RTN3: variants seen among roughly 807,000 people sequenced by gnomAD.
RTN3 encodes reticulon-3.
In RTN3, 49 loss-of-function variants were observed where a neutral mutation model predicts 77.8. The observed-to-expected ratio is 0.63, with a 90% CI of 0.50 to 0.80. RTN3 has a LOEUF of 0.80. RTN3 is among the 30% of genes least tolerant of loss of function. RTN3 has a pLI of 0.00. For missense variants in RTN3, 1,236 were observed against 1,211.9 expected (o/e 1.02, Z -0.29); for synonymous variants, 464 against 446.9 (o/e 1.04, Z -0.48).
intron 1 of RTN3, among the ~76,000 whole-genome samples, chr11:63,690,294 A>G (rs1941586831): frequency 6.6e-6 from 1 of 152,248 alleles, no homozygotes; most frequent in African/African-American, 2.4e-5. Context: ...CGTATGAGAT[A>G]GAAGTACTTG....
In RTN3 at chr11:63,753,669, G is replaced by A. The variant is rs181371695; in HGVS notation, c.2955G>A (p.Leu985=). The A allele has an allele frequency of 7.3e-5, 117 of 1,613,556 alleles. No homozygotes were observed. In the East Asian group the frequency reaches 1.8e-3, roughly 25 times the overall value. Residue 985 remains leucine (L), a synonymous_variant, in exon 7 of 9, where the codon CTG becomes CTA. Transcript: ENST00000377819. ...CATGATTCTGTCTTACAGCTGAACTGCTCATTTTCAGTGTCCCGATTGTCT... is the reference window on the plus strand; with the variant it reads ...CATGATTCTGTCTTACAGCTGAACTACTCATTTTCAGTGTCCCGATTGTCT... ...NGITLLILAE[L]LIFSVPIVYE... is the part of the protein sequence containing the mutation.
At chr11:63,751,360 C>T (rs184903144) in intron 4 of RTN3, among the ~76,000 whole-genome samples, 15 of 152,266 alleles carry the variant, frequency 9.9e-5, no homozygotes, top group African/African-American at 3.4e-4. Flanking sequence ...TGATTTCCTC[C>T]GTATCTCTTA....
At position 63,735,550 on chromosome 11, in the gene RTN3, T is replaced by TTCTCTCCCTC. The variant is rs2013035551; in HGVS notation, c.2531-14435_2531-14434insCCTCTCTCTC. Among the ~76,000 whole-genome samples, 3 of 42,686 alleles carry TTCTCTCCCTC rather than the reference T, an allele frequency of 7.0e-5. No individual in the cohort carries two copies. The Admixed American group carries it at 1.1e-3, about 16-fold the overall frequency. The allele number at this position is 42,686 out of a possible 152,430, so 28.0% of individuals were successfully genotyped here. A position where few individuals can be genotyped will look rare whatever the true frequency, so the allele number is the denominator to read the frequency against. ...AATTCAAAGTCCCAGATTCTAACAT[T>TTCTCTCCCTC]TCTCTCTCTCTCTCTCTCTCTCTCT... On this transcript the variant is annotated intron_variant, in intron 3 of 8. Coordinates refer to ENST00000377819, the MANE Select transcript of RTN3 (RefSeq NM_001265589.2).
rs140294717 is a variant in RTN3 at position 63,720,294 on chromosome 11, G to T, written c.1792G>T (p.Val598Phe). ...TGTCTCCTTAGAAGATGTGAGTGAA[G>T]TTGCTCCTGAAAAGCCTATTACTAC... is the stretch of plus-strand genomic sequence containing the variant. ...TNVSLEDVSE[V>F]APEKPITTEN... Residue 598 changes from valine (V) to phenylalanine (F), a missense_variant, in exon 3 of 9, where the codon GTT (valine) becomes TTT (phenylalanine). Val to Phe is a conservative substitution (Grantham distance 50). Transcript: ENST00000377819. The T allele has an allele frequency of 5.9e-5, 95 of 1,613,196 alleles. No individual in the cohort carries two copies. In the African/African-American group the frequency reaches 1.1e-3, roughly 19 times the overall value.
intron 1 of RTN3, among the ~76,000 whole-genome samples, chr11:63,694,786 AT>A (rs139184250): frequency 2.0e-5 from 3 of 152,112 alleles, no homozygotes; most frequent in Admixed American, 2.0e-4. Flanking sequence ...TACATAGTCC[AT>A]TTTGTTTCTG....
chr11:63,721,349 C>T (rs1289104905), intron 3 of RTN3, among the ~76,000 whole-genome samples: 9 of 151,970 alleles, frequency 5.9e-5, no homozygotes, highest in African/African-American at 1.7e-4. Context: ...CCGAGACGGG[C>T]GGATCACAAG....
Position 63,753,694 on chromosome 11 carries a change from T to A in RTN3, c.2980T>A (p.Tyr994Asn), listed in dbSNP as rs2081954011. 5 of 1,613,700 alleles carry A rather than the reference T, an allele frequency of 3.1e-6. No individual in the cohort carries two copies. The highest frequency in any genetic ancestry group is 8.5e-7 in the Non-Finnish European group (1 of 1,179,744). ...ELLIFSVPIV[Y>N]EKYKTQIDHY... ...GCTCATTTTCAGTGTCCCGATTGTC[T>A]ATGAGAAGTACAAGGTAAGCATTTA... Residue 994 changes from tyrosine to asparagine, a missense_variant, in exon 7 of 9, where the codon TAT becomes AAT. Tyr to Asn is a moderately radical substitution (Grantham distance 143, BLOSUM62 -2). Around this residue, in one of 3 missense-constraint regions of RTN3, gnomAD observed 141 missense variants for 154.9 expected, o/e 0.91. Transcript: ENST00000377819.
At chr11:63,737,685 A>G (rs555798826) in intron 3 of RTN3, among the ~76,000 whole-genome samples, 1 of 152,278 alleles carries the variant, frequency 6.6e-6, no homozygotes, top group African/African-American at 2.4e-5. Flanking sequence ...CATACTATTC[A>G]CCTGGAGAGG....
intron 1 of RTN3, among the ~76,000 whole-genome samples, chr11:63,683,435 A>C (rs890964846): frequency 2.0e-5 from 3 of 152,208 alleles, no homozygotes; most frequent in Non-Finnish European, 4.4e-5. Flanking sequence ...AAGTTTTAGA[A>C]ATTTGGCTCT....
chr11:63,755,119 T>C (rs906312132), intron 7 of RTN3, among the ~76,000 whole-genome samples: 7 of 151,818 alleles, frequency 4.6e-5, no homozygotes, highest in African/African-American at 1.7e-4. Flanking sequence ...CTTTTTGGCT[T>C]TTTGGTATTA....
intron 8 of RTN3, among the ~76,000 whole-genome samples, chr11:63,757,722 C>CTTTTTTTT (rs71039672): frequency 3.3e-4 from 35 of 106,312 alleles, no homozygotes; most frequent in African/African-American, 5.7e-4. Flanking sequence ...TTCTTTTTTT[C>CTTTTTTTT]TTTTTTTTTT....
chr11:63,695,690 T>C (rs572302757), intron 1 of RTN3, among the ~76,000 whole-genome samples: 1 of 152,306 alleles, frequency 6.6e-6, no homozygotes, highest in Non-Finnish European at 1.5e-5. Flanking sequence ...GAAAAACATC[T>C]GACAAATTCA....
chr11:63,753,260 G>C, intron 6 of RTN3, 122 bp downstream of exon 6: 13 of 886,054 alleles, frequency 1.5e-5, no homozygotes, highest in Non-Finnish European at 2.3e-5. Flanking sequence ...ATAGAGACCT[G>C]GGAGTAGAGG....
At chr11:63,682,116 TGA>T (rs1941091061) in intron 1 of RTN3, among the ~76,000 whole-genome samples, 1 of 152,010 alleles carries the variant, frequency 6.6e-6, no homozygotes, top group Admixed American at 6.6e-5. Flanking sequence ...GGTGATTTAG[TGA>T]GGATTAGAGA....
intron 1 of RTN3, among the ~76,000 whole-genome samples, chr11:63,691,618 T>C (rs550795821): frequency 8.5e-5 from 13 of 152,348 alleles, no homozygotes; most frequent in Non-Finnish European, 1.6e-4. Flanking sequence ...ATGGCCATTC[T>C]GTTCTTTCCT....
chr11:63,733,900 A>G (rs1306649463), intron 3 of RTN3, among the ~76,000 whole-genome samples: 2 of 151,978 alleles, frequency 1.3e-5, no homozygotes, highest in African/African-American at 4.8e-5. Context: ...CAAAAAGAAA[A>G]AAAAACACCA....
At chr11:63,752,022 A>G (rs796563735) in intron 4 of RTN3, among the ~76,000 whole-genome samples, 29 of 152,134 alleles carry the variant, frequency 1.9e-4, no homozygotes, top group African/African-American at 7.0e-4. Context: ...AACCCCCAGT[A>G]CCCTGTTTTT....
At chr11:63,711,143 G>A (rs1349280428) in intron 2 of RTN3, among the ~76,000 whole-genome samples, 1 of 151,964 alleles carries the variant, frequency 6.6e-6, no homozygotes, top group South Asian at 2.1e-4. Flanking sequence ...AGCTGGGTAT[G>A]GTGGTGCACG....
chr11:63,693,115 C>T (rs1449932475), intron 1 of RTN3, among the ~76,000 whole-genome samples: 2 of 152,126 alleles, frequency 1.3e-5, no homozygotes, highest in Non-Finnish European at 2.9e-5. Flanking sequence ...AAGCCCTTGG[C>T]TCATAAGAGG....
Sources: gnomAD v4.1 joint callset for allele counts (sites outside exome capture counted in the v4.1 genomes callset) on GRCh38, gnomAD v4.1.1 for gene constraint, gnomAD v4.1.1 regional missense constraint, MANE v1.5 for transcripts, NCBI Gene and HGNC (gene_info 2026-07-23, HGNC 2026-07-21) for gene names.